The following DCP1B variants were observed in gnomAD, a reference collection of about 807,000 sequenced individuals.
DCP1B encodes the protein decapping mRNA 1B.
Under a neutral mutation model 60.5 loss-of-function variants are expected in DCP1B, and 47 were observed. The observed-to-expected ratio is 0.78, with a 90% confidence interval of 0.61 to 0.99. The LOEUF is 0.99. DCP1B is among the 50% of genes least tolerant of loss of function. The pLI is 0.00. For synonymous variants in DCP1B, 267 were observed against 280.3 expected (o/e 0.95, Z 0.47); for missense variants, 725 against 756.8 (o/e 0.96, Z 0.49).
intron 8 of DCP1B, 42 bp downstream of exon 8, chr12:1,949,044 C>G (rs145794424): frequency 6.3e-7 from 1 of 1,590,758 alleles, no homozygotes; most frequent in Non-Finnish European, 8.6e-7. Context: ...AGGAGGCCAA[C>G]AGGCGTGGTC....
In DCP1B at chr12:1,962,940, C is replaced by T. The variant is rs2031174642; in HGVS notation, c.522+2618G>A. On this transcript the variant is annotated intron_variant, in intron 5 of 8. Coordinates refer to ENST00000280665, the MANE Select transcript of DCP1B (RefSeq NM_152640.5). The surrounding 1 kb of genome is among the most constrained non-coding windows in gnomAD (Gnocchi z 4.4). Reference sequence around the variant, plus strand: ...AACTTGTCTAACTGCCTATATGTGCCACTTCATTCAGGATTTTTCTGATTG... The same window carrying T: ...AACTTGTCTAACTGCCTATATGTGCTACTTCATTCAGGATTTTTCTGATTG... 6.6e-6 allele frequency among the ~76,000 whole-genome samples: 1 copy of T among 152,154 alleles called. No individual in the cohort carries two copies. Among genetic ancestry groups the T allele is most frequent in the Non-Finnish European group, 1.5e-5 (1 of 68,036 alleles).
intron 3 of DCP1B, among the ~76,000 whole-genome samples, chr12:1,987,181 G>A (rs1426829528): frequency 6.6e-6 from 1 of 152,216 alleles, no homozygotes; most frequent in Admixed American, 6.5e-5. Flanking sequence ...CTGCCCTGCT[G>A]CTAAGGAAAT....
At chr12:1,958,394 C>T (rs1446686558) in intron 5 of DCP1B, among the ~76,000 whole-genome samples, 1 of 128,306 alleles carries the variant, frequency 7.8e-6, no homozygotes, top group African/African-American at 3.0e-5. Flanking sequence ...TCCCTAACGT[C>T]GCTCTGGGCA....
At chr12:1,969,433 T>A (rs1565774322) in intron 3 of DCP1B, among the ~76,000 whole-genome samples, 1 of 152,114 alleles carries the variant, frequency 6.6e-6, no homozygotes. Context: ...CTTACCTACC[T>A]GCACGTGAAG....
intron 3 of DCP1B, among the ~76,000 whole-genome samples, chr12:1,968,628 A>G (rs1006296042): frequency 6.6e-6 from 1 of 152,216 alleles, no homozygotes; most frequent in Admixed American, 6.5e-5. Context: ...TTAAATATTC[A>G]GAAACCTGAT....
chr12:1,976,777 G>A (rs556656210), intron 3 of DCP1B, among the ~76,000 whole-genome samples: 45 of 146,564 alleles, frequency 3.1e-4, no homozygotes, highest in African/African-American at 7.5e-4. Context: ...GTGAAAAAGT[G>A]CAAAGCATAG....
chr12:1,980,822 A>C (rs889685913), intron 3 of DCP1B, among the ~76,000 whole-genome samples: 2 of 151,958 alleles, frequency 1.3e-5, no homozygotes, highest in Admixed American at 6.6e-5. Flanking sequence ...GGCCAGGAGG[A>C]AACAGAGATG....
rs138632437 is a variant in DCP1B, at chr12:1,949,167, T to C, written c.1692A>G (p.Ile564Met). 1.9e-4 allele frequency: 305 copies of C among 1,614,060 alleles called. No homozygotes were observed. The African/African-American group carries it at 3.3e-3, about 18-fold the overall frequency. Reference sequence around the variant, plus strand: ...TGATCACGGAGGGCTCCGGGCTCTGTATGGGCAGGAGGAGGCTGGTGGCAG... The same window carrying C: ...TGATCACGGAGGGCTCCGGGCTCTGCATGGGCAGGAGGAGGCTGGTGGCAG... ...PAAATSLLLP[I>M]QSPEPSVITS... The change falls in exon 8 of 9, where the codon ATA becomes ATG. Residue 564 changes from isoleucine to methionine, a missense_variant. Coordinates refer to ENST00000280665, the MANE Select transcript of DCP1B (RefSeq NM_152640.5).
chr12:1,983,242 C>T (rs575444174), intron 3 of DCP1B, among the ~76,000 whole-genome samples: 8 of 148,936 alleles, frequency 5.4e-5, no homozygotes, highest in Non-Finnish European at 1.2e-4. Flanking sequence ...TGTTTTTTAT[C>T]TCATTGATTT....
chr12:1,993,401 A>G lies in DCP1B; in HGVS notation c.192-10T>C, dbSNP rs756159533. ...CTTTGGAGAAGCAGACCTAAAAATC[A>G]CAAGGAGTCAGGGGGAAATCAATAG... On this transcript the variant is annotated splice_polypyrimidine_tract_variant and intron_variant, in intron 2 of 8. Coordinates refer to ENST00000280665, the MANE Select transcript of DCP1B (RefSeq NM_152640.5). 1.2e-6 allele frequency: 2 copies of G among 1,608,724 alleles called. No homozygotes were observed. Among genetic ancestry groups the G allele is most frequent in the South Asian group, 1.1e-5 (1 of 90,642 alleles).
At chr12:1,952,241 A>T (rs1220067729) in intron 7 of DCP1B, among the ~76,000 whole-genome samples, 175 bp downstream of exon 7, 2 of 151,834 alleles carry the variant, frequency 1.3e-5, no homozygotes, top group East Asian at 3.9e-4. Context: ...TGGCACGATC[A>T]TGGTTCACTG....
chr12:1,946,490 A>G (rs2030429631), intron 8 of DCP1B, among the ~76,000 whole-genome samples: 1 of 152,224 alleles, frequency 6.6e-6, no homozygotes, highest in South Asian at 2.1e-4. Context: ...TTCCATGGTC[A>G]GTATGCACAG....
chr12:1,983,961 C>T (rs1302461464), intron 3 of DCP1B, among the ~76,000 whole-genome samples: 2 of 151,928 alleles, frequency 1.3e-5, no homozygotes, highest in African/African-American at 4.8e-5. Context: ...ATGACTTTAT[C>T]CCTATATCAT....
chr12:1,991,323 T>A, intron 3 of DCP1B: 1 of 436,182 alleles, frequency 2.3e-6, no homozygotes, highest in Non-Finnish European at 4.6e-6. Context: ...AAAATCATTA[T>A]AAAATACGGA....
chr12:1,983,196 G>A (rs2036647922), intron 3 of DCP1B, among the ~76,000 whole-genome samples: 1 of 149,734 alleles, frequency 6.7e-6, no homozygotes, highest in Non-Finnish European at 1.5e-5. Flanking sequence ...AGATAATCAG[G>A]TTTTGGTTTC....
chr12:1,997,882 G>A (rs1282638463), intron 2 of DCP1B, 53 bp downstream of exon 2: 31 of 1,418,716 alleles, frequency 2.2e-5, no homozygotes, highest in Non-Finnish European at 2.9e-5. Flanking sequence ...ACACAACGGA[G>A]CTAAAATATT....
At chr12:1,986,102 T>G (rs12302021) in intron 3 of DCP1B, among the ~76,000 whole-genome samples, 1 of 152,218 alleles carries the variant, frequency 6.6e-6, no homozygotes, top group Non-Finnish European at 1.5e-5. Context: ...CGTGAGCCAC[T>G]GCGCCCAGCC....
rs1266709957 is a variant in DCP1B, at chr12:1,971,158, G to A, written c.320-3248C>T. 7.8e-7 allele frequency: 1 copy of A among 1,289,262 alleles called. No homozygotes were observed. Among genetic ancestry groups the A allele is most frequent in the Non-Finnish European group, 1.0e-6 (1 of 988,456 alleles). The allele number at this position is 1,289,262 out of a possible 1,614,324, so 79.9% of individuals were successfully genotyped here. ...CGGAGGTCAAGTTTAAGGGTACTTT[G>A]GTGCATGAAGCTCAACTCAACTATT... On this transcript the variant is annotated intron_variant, in intron 3 of 8. Transcript: ENST00000280665. The surrounding 1 kb of genome is among the most constrained non-coding windows in gnomAD (Gnocchi z 4.2).
intron 2 of DCP1B, 49 bp from the exon 3 acceptor site, chr12:1,993,440 T>C: frequency 6.3e-7 from 1 of 1,587,704 alleles, no homozygotes; most frequent in African/African-American, 1.4e-5. Context: ...AATTGCTTAG[T>C]ATGCTATATT....
Sources: gnomAD v4.1 joint callset for allele counts (sites outside exome capture counted in the v4.1 genomes callset) on GRCh38, gnomAD v4.1.1 for gene constraint, Gnocchi (gnomAD v3.1) non-coding constraint, MANE v1.5 for transcripts, NCBI Gene and HGNC (gene_info 2026-07-23, HGNC 2026-07-21) for gene names.